Variants in DCAF4 observed in about 807,000 individuals in gnomAD.
The protein encoded by DCAF4 is DDB1- and CUL4-associated factor 4.
In DCAF4, 37 loss-of-function variants were observed where a neutral mutation model predicts 60.9. The ratio of observed to expected loss-of-function variants is 0.61; its 90% CI spans 0.47 to 0.80. DCAF4 has a LOEUF of 0.80. DCAF4 is among the 30% of genes least tolerant of loss of function. The probability of loss-of-function intolerance (pLI) is 0.00; values close to 1 mark genes in which losing one functional copy is unlikely to be tolerated. For synonymous variants in DCAF4, 243 were observed against 254.8 expected (o/e 0.95, Z 0.44); for missense variants, 577 against 650.0 (o/e 0.89, Z 1.22).
intron 1 of DCAF4, among the ~76,000 whole-genome samples, chr14:72,936,478 C>T (rs1263616596): frequency 6.6e-5 from 10 of 151,370 alleles, no homozygotes; most frequent in South Asian, 2.1e-4. Flanking sequence ...GCAGGAGAAT[C>T]GCTTGAACCC....
intron 1 of DCAF4, among the ~76,000 whole-genome samples, chr14:72,935,838 A>G: frequency 6.6e-6 from 1 of 152,246 alleles, no homozygotes. Flanking sequence ...TTGTTACATA[A>G]TTCAACAAAT....
chr14:72,958,493 G>A (rs761704558), intron 13 of DCAF4, 119 bp from the exon 14 acceptor site: 18 of 1,157,946 alleles, frequency 1.6e-5, no homozygotes, highest in Non-Finnish European at 2.2e-5. Flanking sequence ...TAATGAGTTT[G>A]TGTTTTGGCT....
intron 2 of DCAF4, among the ~76,000 whole-genome samples, chr14:72,938,596 A>G (rs1889609812): frequency 6.6e-6 from 1 of 152,184 alleles, no homozygotes; most frequent in African/African-American, 2.4e-5. Context: ...ACAGCCAGCC[A>G]CACACACCTA....
chr14:72,940,591 G>GTT (rs60174440), intron 4 of DCAF4: 17,821 of 283,174 alleles, frequency 0.063, 615 homozygotes, highest in East Asian at 0.094. Flanking sequence ...TCGATAAGTT[G>GTT]TTTTTTTTTT....
chr14:72,930,697 G>T (rs1470956269), intron 1 of DCAF4, among the ~76,000 whole-genome samples: 2 of 152,088 alleles, frequency 1.3e-5, no homozygotes, highest in East Asian at 1.9e-4. Flanking sequence ...AGAAATCATT[G>T]CCTAATCAAG....
At chr14:72,942,024 G>A (rs769157467) in intron 5 of DCAF4, 200 bp downstream of exon 5, 64 of 531,880 alleles carry the variant, frequency 1.2e-4, no homozygotes, top group East Asian at 2.8e-4. Flanking sequence ...GAGCGAAGGC[G>A]GGGGACTCTT....
chr14:72,951,613 AAAAC>A (rs1276287614), intron 8 of DCAF4, among the ~76,000 whole-genome samples, 181 bp from the exon 9 acceptor site: 5 of 152,158 alleles, frequency 3.3e-5, no homozygotes, highest in Non-Finnish European at 7.4e-5. Context: ...CTCCGTCTCA[AAAAC>A]AAACAAACAA....
chr14:72,940,473 C>A, intron 4 of DCAF4, 96 bp downstream of exon 4: 1 of 1,317,208 alleles, frequency 7.6e-7, no homozygotes. Flanking sequence ...GCCCCTGCGA[C>A]ACTTAGCAGA....
chr14:72,931,829 AT>A (rs899488001), intron 1 of DCAF4, among the ~76,000 whole-genome samples: 2 of 151,938 alleles, frequency 1.3e-5, no homozygotes, highest in African/African-American at 4.8e-5. Flanking sequence ...ATATTGATTG[AT>A]TTTCATATGT....
At chr14:72,928,929 C>A (rs188018284) in intron 1 of DCAF4, among the ~76,000 whole-genome samples, 1 of 152,114 alleles carries the variant, frequency 6.6e-6, no homozygotes, top group African/African-American at 2.4e-5. Flanking sequence ...GAGTTTTGGC[C>A]CCGTGCTAAG....
Position 72,941,738 on chromosome 14 carries a change from A to C in DCAF4, c.352-7A>C, listed in dbSNP as rs1488223703. The C allele has an allele frequency of 6.2e-7, 1 of 1,612,342 alleles. No individual in the cohort carries two copies. Among genetic ancestry groups the C allele is most frequent in the East Asian group, 2.2e-5 (1 of 44,866 alleles). ...TTGAATTGTTCTCTTTTTTGTAATA[A>C]ATATAGATTGCCAGGATGGGATTTA... On this transcript the variant is annotated splice_region_variant and splice_polypyrimidine_tract_variant and intron_variant, in intron 4 of 13. Transcript: ENST00000358377.
At chr14:72,953,732 A>AAAATAT (rs1555527852) in intron 9 of DCAF4, among the ~76,000 whole-genome samples, 2 of 21,778 alleles carry the variant, frequency 9.2e-5, no homozygotes, top group East Asian at 1.2e-3. Flanking sequence ...AAAAAAAAAA[A>AAAATAT]ATATATATAT....
Position 72,943,190 on chromosome 14 carries a change from G to A in DCAF4, c.534+94G>A, listed in dbSNP as rs924317005. 4 of 1,098,472 alleles carry A rather than the reference G, an allele frequency of 3.6e-6. No individual in the cohort carries two copies. The African/African-American group carries it at 6.3e-5, about 17-fold the overall frequency. The allele number at this position is 1,098,472 out of a possible 1,614,324, so 68.0% of individuals were successfully genotyped here. A position where few individuals can be genotyped will look rare whatever the true frequency, so the allele number is the denominator to read the frequency against. On this transcript the variant is annotated intron_variant, in intron 6 of 13. Coordinates refer to ENST00000358377, the MANE Select transcript of DCAF4 (RefSeq NM_015604.4). ...GCCAGTCATCAAACCTGGCTCTGGA[G>A]AAGCCAACTGCAATGAAAGTAGGTG...
At chr14:72,941,877 T>G in intron 5 of DCAF4, 53 bp downstream of exon 5, 2 of 1,583,188 alleles carry the variant, frequency 1.3e-6, no homozygotes, top group Non-Finnish European at 8.7e-7. Context: ...TTTTCCTGTT[T>G]CTTATTTTCA....
intron 1 of DCAF4, among the ~76,000 whole-genome samples, chr14:72,936,119 G>A (rs17122577): frequency 0.19 from 29,158 of 152,054 alleles, 3,614 homozygotes; most frequent in East Asian, 0.43. Flanking sequence ...CTGGCCACAC[G>A]TGCTTCCCTT....
chr14:72,940,560 C>T, intron 4 of DCAF4, 183 bp downstream of exon 4: 10 of 495,314 alleles, frequency 2.0e-5, no homozygotes, highest in South Asian at 3.7e-5. Context: ...GAGCCCCCTT[C>T]TTCCATCCCC....
chr14:72,945,641 C>A (rs1890638851), intron 6 of DCAF4, among the ~76,000 whole-genome samples: 1 of 152,176 alleles, frequency 6.6e-6, no homozygotes, highest in African/African-American at 2.4e-5. Context: ...CTGGCCATGT[C>A]CCCTCACTGC....
intron 1 of DCAF4, chr14:72,929,874 C>T (rs1888305203): frequency 1.4e-6 from 2 of 1,472,934 alleles, no homozygotes; most frequent in Admixed American, 3.9e-5. Context: ...TGCTCACGTT[C>T]TTGGTCACCT....
At chr14:72,929,557 T>C (rs777533823) in intron 1 of DCAF4, 71 of 853,430 alleles carry the variant, frequency 8.3e-5, no homozygotes, top group Non-Finnish European at 1.2e-4. Context: ...TTTATTTTTA[T>C]TTTATTTTTC....
Sources: allele counts gnomAD v4.1 joint callset (sites outside exome capture counted in the v4.1 genomes callset), GRCh38; gene constraint gnomAD v4.1.1; transcripts MANE v1.5; gene names NCBI Gene and HGNC (gene_info 2026-07-23, HGNC 2026-07-21).